Variants in CNBD1 observed in about 807,000 individuals in gnomAD.
CNBD1 encodes cyclic nucleotide binding domain containing 1.
Under a neutral mutation model 54.4 loss-of-function variants are expected in CNBD1, and 71 were observed. That is an observed-to-expected ratio of 1.30 (90% CI 1.08 to 1.59). The LOEUF (loss-of-function observed/expected upper bound fraction) is 1.59. CNBD1 is among the 40% of genes most tolerant of loss of function. CNBD1 has a pLI of 0.00. For missense variants in CNBD1, 659 were observed against 518.0 expected (o/e 1.27, Z -2.64); for synonymous variants, 182 against 170.7 (o/e 1.07, Z -0.51).
At chr8:87,256,004 T>C (rs1462383831) in intron 6 of CNBD1, among the ~76,000 whole-genome samples, 3 of 19,148 alleles carry the variant, frequency 1.6e-4, no homozygotes, top group Non-Finnish European at 2.7e-4. Context: ...TATATATATA[T>C]ATATATATAT....
chr8:87,413,086 C>T (rs1467807080), intron 2 of CNBD1, among the ~76,000 whole-genome samples: 3 of 151,868 alleles, frequency 2.0e-5, no homozygotes, highest in South Asian at 2.1e-4. Flanking sequence ...AAGGGGCTCT[C>T]AATTGTACCT....
chr8:87,340,061 GC>G (rs1246219887), intron 8 of CNBD1, among the ~76,000 whole-genome samples: 2 of 152,046 alleles, frequency 1.3e-5, no homozygotes, highest in Non-Finnish European at 2.9e-5. Flanking sequence ...AGCATGTTTT[GC>G]CTAAGGCAGG....
chr8:87,171,274 T>A (rs957341124), intron 4 of CNBD1, among the ~76,000 whole-genome samples: 8 of 152,174 alleles, frequency 5.3e-5, no homozygotes, highest in African/African-American at 1.9e-4. Flanking sequence ...AGGAATTTTG[T>A]CATATCTTCT....
intron 1 of CNBD1, among the ~76,000 whole-genome samples, chr8:86,873,922 CATT>C (rs978230553): frequency 7.9e-5 from 12 of 152,112 alleles, no homozygotes; most frequent in African/African-American, 2.9e-4. Context: ...TTTAAAAAAA[CATT>C]GTTACATAAT....
At chr8:86,983,397 C>A (rs964153022) in intron 4 of CNBD1, among the ~76,000 whole-genome samples, 1 of 152,024 alleles carries the variant, frequency 6.6e-6, no homozygotes, top group East Asian at 1.9e-4. Context: ...TAAATTGGTA[C>A]CAGTAGAGTG....
At chr8:87,006,546 A>C (rs527247518) in intron 4 of CNBD1, among the ~76,000 whole-genome samples, 5 of 152,054 alleles carry the variant, frequency 3.3e-5, no homozygotes, top group Admixed American at 2.6e-4. Flanking sequence ...TTATGAAGGA[A>C]GGTGAAGTGG....
chr8:87,378,708 G>T (rs192898383), intron 10 of CNBD1, among the ~76,000 whole-genome samples: 94 of 151,220 alleles, frequency 6.2e-4, no homozygotes, highest in Admixed American at 6.1e-3. Flanking sequence ...TTGGTAGCTT[G>T]ATGGAGATGG....
chr8:87,299,076 A>C (rs1808936952), intron 8 of CNBD1, among the ~76,000 whole-genome samples: 1 of 152,164 alleles, frequency 6.6e-6, no homozygotes, highest in African/African-American at 2.4e-5. Context: ...TTTCTTCAAG[A>C]GGTTTTCTAG....
chr8:87,380,265 G>A (rs929417056), intron 10 of CNBD1, among the ~76,000 whole-genome samples: 22 of 151,876 alleles, frequency 1.4e-4, no homozygotes, highest in Middle Eastern at 3.4e-3. Context: ...AGTTAGAAAT[G>A]GACATGATAA....
At chr8:87,341,204 G>C (rs1418197493) in intron 8 of CNBD1, among the ~76,000 whole-genome samples, 2 of 151,846 alleles carry the variant, frequency 1.3e-5, no homozygotes, top group African/African-American at 4.8e-5. Context: ...CCTAGTGTCT[G>C]CTTGTTGTAG....
chr8:87,075,070 A>G (rs1810840104), intron 4 of CNBD1, among the ~76,000 whole-genome samples: 1 of 152,228 alleles, frequency 6.6e-6, no homozygotes, highest in Admixed American at 6.5e-5. Flanking sequence ...TAGGCATATT[A>G]TGAATATTAA....
rs912824421 is a variant in CNBD1, at chr8:87,206,136, C to T, written c.575C>T (p.Thr192Ile). 2 of 1,581,204 alleles carry T rather than the reference C, an allele frequency of 1.3e-6. No homozygotes were observed. Among genetic ancestry groups the T allele is most frequent in the South Asian group, 1.2e-5 (1 of 85,418 alleles). Residue 192 changes from threonine (T) to isoleucine (I), a missense_variant and splice_region_variant, in exon 5 of 11, where the codon ACA (threonine) becomes ATA (isoleucine). Physicochemically the swap from Thr to Ile is moderately conservative, Grantham distance 89. Coordinates refer to ENST00000518476, the MANE Select transcript of CNBD1 (RefSeq NM_173538.3). ...VFSETWLKGS[T>I]VVANDGFYVI... is the part of the protein sequence containing the mutation. Reference sequence around the variant, plus strand: ...TCCGAAACCTGGTTGAAAGGCAGCACAGGTAATAGACTAATGTGGGATAAA... The same window carrying T: ...TCCGAAACCTGGTTGAAAGGCAGCATAGGTAATAGACTAATGTGGGATAAA...
intron 5 of CNBD1, among the ~76,000 whole-genome samples, chr8:87,208,486 T>C (rs1814025090): frequency 2.0e-5 from 3 of 151,950 alleles, no homozygotes; most frequent in Admixed American, 2.0e-4. Flanking sequence ...TCTCTCTATA[T>C]ACATGTGTAC....
chr8:87,424,856 G>A (rs1808017159), intron 2 of CNBD1, among the ~76,000 whole-genome samples: 1 of 152,070 alleles, frequency 6.6e-6, no homozygotes, highest in Non-Finnish European at 1.5e-5. Flanking sequence ...TCCTGAATCT[G>A]AACGTTGGCC....
At chr8:87,204,971 T>C (rs908192695) in intron 4 of CNBD1, among the ~76,000 whole-genome samples, 6 of 152,156 alleles carry the variant, frequency 3.9e-5, no homozygotes, top group Non-Finnish European at 7.3e-5. Context: ...TTTTTTTTTT[T>C]TGCTACAACC....
At chr8:87,229,166 A>T (rs1001656797) in intron 5 of CNBD1, among the ~76,000 whole-genome samples, 30 of 152,136 alleles carry the variant, frequency 2.0e-4, no homozygotes, top group Non-Finnish European at 3.8e-4. Flanking sequence ...CCCTAGTGAG[A>T]TGAACCCGGT....
At position 87,330,683 on chromosome 8, in the gene CNBD1, A is replaced by T. The variant is rs12114098; in HGVS notation, c.1043-21002A>T. Among the ~76,000 whole-genome samples the T allele has an allele frequency of 3.9e-3, 586 of 152,156 alleles. 2 individuals are homozygous for T. The highest frequency in any genetic ancestry group is 0.013 in the African/African-American group (549 of 41,534). Reference sequence around the variant, plus strand: ...TGATTTCTTTTCTTTCACATTTTTAAGGTTGGTTTTATGGGCTGAAATGTG... The same window carrying T: ...TGATTTCTTTTCTTTCACATTTTTATGGTTGGTTTTATGGGCTGAAATGTG... On this transcript the variant is annotated intron_variant, in intron 8 of 10. Transcript: ENST00000518476.
rs1811101211 is a variant in CNBD1, at chr8:87,382,565, A to G, written c.1304-55A>G. The G allele has an allele frequency of 3.5e-6, 5 of 1,443,996 alleles. No homozygotes were observed. In the Admixed American group the frequency reaches 6.0e-5, roughly 17 times the overall value. The allele number at this position is 1,443,996 out of a possible 1,614,324, so 89.4% of individuals were successfully genotyped here. Reference sequence around the variant, plus strand: ...GGTTCTATTCTGTAGGAAAATAATTACCAAAAATGAGTATTTATTATGTAA... The same window carrying G: ...GGTTCTATTCTGTAGGAAAATAATTGCCAAAAATGAGTATTTATTATGTAA... On this transcript the variant is annotated intron_variant, in intron 10 of 10. Transcript: ENST00000518476.
intron 4 of CNBD1, among the ~76,000 whole-genome samples, chr8:87,002,800 T>C (rs1003476796): frequency 1.3e-5 from 2 of 152,192 alleles, no homozygotes; most frequent in Non-Finnish European, 2.9e-5. Context: ...TTATGTTTCT[T>C]GTTTATCTGT....
Sources: gnomAD v4.1 joint callset for allele counts (sites outside exome capture counted in the v4.1 genomes callset) on GRCh38, gnomAD v4.1.1 for gene constraint, MANE v1.5 for transcripts, NCBI Gene and HGNC (gene_info 2026-07-23, HGNC 2026-07-21) for gene names.